The following NXPE4 variants were observed in gnomAD, a reference collection of about 807,000 sequenced individuals.
NXPE4 encodes neurexophilin and PC-esterase domain family member 4.
A neutral mutation model predicts 33.3 loss-of-function variants in NXPE4; 42 were observed. The observed-to-expected ratio is 1.26, with a 90% confidence interval of 0.98 to 1.63. NXPE4 has a LOEUF of 1.63. Ranked by LOEUF, NXPE4 falls within the 40% of genes most tolerant of loss-of-function variation. NXPE4 has a pLI of 0.00. For synonymous variants in NXPE4, 253 were observed against 234.9 expected (o/e 1.08, Z -0.71); for missense variants, 709 against 647.6 (o/e 1.09, Z -1.03).
At chr11:114,647,715 T>A in the NXPE4 span, among the ~76,000 whole-genome samples, 67 of 152,076 alleles carry the variant, frequency 4.4e-4, no homozygotes, top group Middle Eastern at 3.4e-3. Context: ...ATTTTTTTTT[T>A]TTTTGAGACA....
At chr11:114,601,469 A>C in the NXPE4 span, among the ~76,000 whole-genome samples, 2 of 109,366 alleles carry the variant, frequency 1.8e-5, no homozygotes, top group African/African-American at 6.9e-5. Context: ...TATAATATAA[A>C]ATTTATATAA....
the NXPE4 span, among the ~76,000 whole-genome samples, chr11:114,641,695 G>A: frequency 6.6e-6 from 1 of 152,066 alleles, no homozygotes; most frequent in Non-Finnish European, 1.5e-5. Flanking sequence ...AAACAATAGA[G>A]ATGATCAACA....
chr11:114,616,596 G>A, the NXPE4 span, among the ~76,000 whole-genome samples: 1 of 138,500 alleles, frequency 7.2e-6, no homozygotes, highest in East Asian at 2.0e-4. Context: ...AGTGGATAAT[G>A]AGTATTGCCT....
the NXPE4 span, among the ~76,000 whole-genome samples, chr11:114,661,995 G>A: frequency 6.6e-6 from 1 of 152,064 alleles, no homozygotes; most frequent in East Asian, 1.9e-4. Flanking sequence ...CAGAATAGAA[G>A]GCTCCACCAA....
At chr11:114,575,832 C>T (rs1355054450) in intron 5 of NXPE4, among the ~76,000 whole-genome samples, 1 of 152,210 alleles carries the variant, frequency 6.6e-6, no homozygotes, top group South Asian at 2.1e-4. Flanking sequence ...TCATTCTTCA[C>T]AGAACTAGAA....
the NXPE4 span, among the ~76,000 whole-genome samples, chr11:114,619,260 T>C: frequency 7.4e-5 from 11 of 149,022 alleles, no homozygotes; most frequent in Non-Finnish European, 1.6e-4. Flanking sequence ...TCTTGAGTAA[T>C]CAATGGTACC....
At chr11:114,614,651 G>T in the NXPE4 span, among the ~76,000 whole-genome samples, 3 of 150,250 alleles carry the variant, frequency 2.0e-5, no homozygotes, top group East Asian at 2.0e-4. Flanking sequence ...TGCCTTGTGG[G>T]TATCCACTGT....
the NXPE4 span, among the ~76,000 whole-genome samples, chr11:114,642,795 G>T: frequency 1.3e-5 from 2 of 151,974 alleles, no homozygotes; most frequent in Non-Finnish European, 2.9e-5. Context: ...GGGCTTGCTG[G>T]GTCAAATGGC....
At chr11:114,646,655 A>G in the NXPE4 span, among the ~76,000 whole-genome samples, 2 of 152,180 alleles carry the variant, frequency 1.3e-5, no homozygotes, top group Non-Finnish European at 2.9e-5. Flanking sequence ...ACCAAATACC[A>G]TTAAAATAGA....
At chr11:114,595,795 C>T (rs938575847), upstream of NXPE4, 5 of 152,258 alleles carry the variant, frequency 3.3e-5, no homozygotes, top group African/African-American at 9.7e-5. Flanking sequence ...GTGTCAGCCA[C>T]GTCAGCTCCA....
the NXPE4 span, among the ~76,000 whole-genome samples, chr11:114,612,859 A>G: frequency 2.8e-4 from 41 of 148,106 alleles, no homozygotes; most frequent in African/African-American, 8.7e-4. Context: ...TGGGTAATCA[A>G]TGTTACCCCG....
At chr11:114,615,023 T>C in the NXPE4 span, among the ~76,000 whole-genome samples, 1,847 of 151,664 alleles carry the variant, frequency 0.012, 36 homozygotes, top group African/African-American at 0.042. Context: ...TCCTCGTGGG[T>C]AACCAGTGTT....
At chr11:114,629,270 A>C in the NXPE4 span, among the ~76,000 whole-genome samples, 49 of 152,214 alleles carry the variant, frequency 3.2e-4, 1 homozygote, top group South Asian at 1.5e-3. Context: ...AAAAATCCTC[A>C]ATAAAATACT....
rs201549180 is a variant in NXPE4, at chr11:114,582,789, G to A, written c.329C>T (p.Thr110Met). 223 of 1,614,160 alleles carry A rather than the reference G, an allele frequency of 1.4e-4. No individual in the cohort carries two copies. The highest frequency in any genetic ancestry group is 7.2e-4 in the South Asian group (66 of 91,074). The change falls in exon 3 of 6, where the codon ACG becomes ATG. Residue 110 changes from threonine (T) to methionine (M), a missense_variant. By Grantham distance (81) the Thr-to-Met change is moderately conservative. Transcript: ENST00000375478. ...GTGCAGCTGGTCTCCCCTGCAGTAC[G>A]TATCTCGAGGGTTGAGGATGGTGGC... ...STATILNPRDTYCRGDQLHIL... is the reference protein window; with the variant it reads ...STATILNPRDMYCRGDQLHIL...
At chr11:114,630,687 C>A in the NXPE4 span, among the ~76,000 whole-genome samples, 2 of 150,956 alleles carry the variant, frequency 1.3e-5, no homozygotes, top group African/African-American at 4.9e-5. Context: ...TCTAATTAAA[C>A]TAAAGAGCTT....
At chr11:114,626,026 C>T in the NXPE4 span, among the ~76,000 whole-genome samples, 123 of 152,344 alleles carry the variant, frequency 8.1e-4, no homozygotes, top group African/African-American at 2.7e-3. Context: ...AAGGGTCCTA[C>T]GCCCACGGAG....
At chr11:114,627,066 G>A in the NXPE4 span, among the ~76,000 whole-genome samples, 55 of 152,040 alleles carry the variant, frequency 3.6e-4, no homozygotes, top group African/African-American at 1.3e-3. Flanking sequence ...AAGTGACGGG[G>A]TGAATGGAAC....
Position 114,582,796 on chromosome 11 carries a change from G to T in NXPE4, c.322C>A (p.Arg108=). 6.2e-7 allele frequency: 1 copy of T among 1,614,114 alleles called. No homozygotes were observed. ...TGGTCTCCCCTGCAGTACGTATCTC[G>T]AGGGTTGAGGATGGTGGCTGTGCTA... The part of the protein sequence containing the change: ...THSTATILNP[R]DTYCRGDQLH... The change falls in exon 3 of 6, where the codon CGA becomes AGA. Residue 108 remains arginine (R), a synonymous_variant. Coordinates refer to ENST00000375478, the MANE Select transcript of NXPE4 (RefSeq NM_001077639.2).
chr11:114,636,355 T>G, the NXPE4 span, among the ~76,000 whole-genome samples: 64,434 of 151,792 alleles, frequency 0.42, 15,015 homozygotes, highest in African/African-American at 0.61. Context: ...CTTCTCTCTT[T>G]TTTTCTTTAT....
Sources: gnomAD v4.1 joint callset for allele counts (sites outside exome capture counted in the v4.1 genomes callset) on GRCh38, gnomAD v4.1.1 for gene constraint, MANE v1.5 for transcripts, NCBI Gene and HGNC (gene_info 2026-07-23, HGNC 2026-07-21) for gene names.